The following MIER1 variants were observed in gnomAD, a reference collection of about 807,000 sequenced individuals.
MIER1 encodes mesoderm induction early response protein 1.
In MIER1, 40 loss-of-function variants were observed where a neutral mutation model predicts 75.7. The ratio of observed to expected loss-of-function variants is 0.53; its 90% confidence interval spans 0.41 to 0.69. The LOEUF is 0.69. MIER1 is among the 30% of genes least tolerant of loss of function. MIER1 has a pLI of 0.00. For missense variants in MIER1, 574 were observed against 680.2 expected (o/e 0.84, Z 1.74); for synonymous variants, 213 against 223.4 (o/e 0.95, Z 0.42).
At chr1:66,928,319 A>G (rs976998813) in intron 2 of MIER1, among the ~76,000 whole-genome samples, 1 of 152,172 alleles carries the variant, frequency 6.6e-6, no homozygotes, top group African/African-American at 2.4e-5. Flanking sequence ...TTAATAGACT[A>G]TGATCCCCTG....
chr1:66,959,050 C>T, intron 6 of MIER1, 67 bp downstream of exon 6: 1 of 1,263,500 alleles, frequency 7.9e-7, no homozygotes, highest in Non-Finnish European at 1.1e-6. Flanking sequence ...CTAAAATCCT[C>T]TTTTTTAAAC....
At chr1:66,940,847 G>C (rs541717778) in intron 3 of MIER1, among the ~76,000 whole-genome samples, 1 of 152,184 alleles carries the variant, frequency 6.6e-6, no homozygotes, top group Admixed American at 6.5e-5. Flanking sequence ...TTTATCCTCA[G>C]TGTCCAGTGA....
rs72673729 is a variant in MIER1, at chr1:66,975,990, T to G, written c.1102-605T>G. Reference sequence around the variant, plus strand: ...TGAATGCCACTTCCAGGCCTTTTTTTTGTGTGTGTGTGTGTGAGACTGAGT... The same window carrying G: ...TGAATGCCACTTCCAGGCCTTTTTTGTGTGTGTGTGTGTGTGAGACTGAGT... On this transcript the variant is annotated intron_variant, in intron 11 of 13. Transcript: ENST00000401041. Among the ~76,000 whole-genome samples, 1,365 of 151,728 alleles carry G rather than the reference T, an allele frequency of 9.0e-3. 13 individuals carry two copies. The highest frequency in any genetic ancestry group is 0.027 in the South Asian group (131 of 4,808).
chr1:66,934,264 T>A (rs1054715742), intron 2 of MIER1, among the ~76,000 whole-genome samples: 10 of 152,180 alleles, frequency 6.6e-5, no homozygotes, highest in Non-Finnish European at 1.5e-4. Context: ...CTAAATCTTT[T>A]GATCATAGAG....
At chr1:66,949,096 A>G (rs1658330728) in intron 4 of MIER1, among the ~76,000 whole-genome samples, 1 of 152,186 alleles carries the variant, frequency 6.6e-6, no homozygotes, top group Admixed American at 6.5e-5. Flanking sequence ...CAGTTTGCCT[A>G]TATTCAGAGA....
At chr1:66,934,380 G>GTGCTTATT (rs1182545295) in intron 2 of MIER1, among the ~76,000 whole-genome samples, 2 of 150,152 alleles carry the variant, frequency 1.3e-5, no homozygotes, top group African/African-American at 4.9e-5. Context: ...TAGATTCCTA[G>GTGCTTATT]TGCTTATTTT....
In MIER1 at chr1:66,976,674, A is replaced by T. The variant is rs1322462315; in HGVS notation, c.1181A>T (p.Gln394Leu). 1.9e-6 allele frequency: 3 copies of T among 1,607,030 alleles called. No homozygotes were observed. Among genetic ancestry groups the T allele is most frequent in the Non-Finnish European group, 8.5e-7 (1 of 1,176,942 alleles). Residue 394 changes from glutamine to leucine, a missense_variant, in exon 12 of 14, where the codon CAG (glutamine) becomes CTG (leucine). Gln to Leu is a moderately radical substitution (Grantham distance 113). Transcript: ENST00000401041. ...TCTGAACGTTATGATTTCTTTGCTCAGCAAACACGATTTGGAAAGAAGAAA... is the reference window on the plus strand; with the variant it reads ...TCTGAACGTTATGATTTCTTTGCTCTGCAAACACGATTTGGAAAGAAGAAA... The part of the protein sequence containing the change: ...KKSERYDFFA[Q>L]QTRFGKKKYN...
In MIER1 at chr1:66,955,336, G is replaced by GTTTTTTT. The variant is rs34006160; in HGVS notation, c.340-2701_340-2695dup. Among the ~76,000 whole-genome samples the GTTTTTTT allele has an allele frequency of 2.8e-4, 17 of 59,960 alleles. 1 individual carries two copies. The highest frequency in any genetic ancestry group is 8.4e-4 in the African/African-American group (12 of 14,240). The allele number at this position is 59,960 out of a possible 152,430, so 39.3% of individuals were successfully genotyped here. The stretch of plus-strand genomic sequence containing the variant: ...TACCAGCAGCATTAGCATCACCTGA[G>GTTTTTTT]TTTTTTTTTTTTTTTTTTTTTTTTT... On this transcript the variant is annotated intron_variant, in intron 4 of 13. Transcript: ENST00000401041.
At chr1:66,980,732 T>C (rs896461427) in intron 12 of MIER1, among the ~76,000 whole-genome samples, 1 of 152,092 alleles carries the variant, frequency 6.6e-6, no homozygotes, top group Non-Finnish European at 1.5e-5. Context: ...ACAACTTAGG[T>C]ACCAGTGGTG....
intron 2 of MIER1, among the ~76,000 whole-genome samples, chr1:66,931,161 T>C (rs973514448): frequency 2.0e-5 from 3 of 152,160 alleles, no homozygotes; most frequent in Non-Finnish European, 4.4e-5. Context: ...TTTGCTCGTT[T>C]TATAGTAAAC....
chr1:66,942,073 T>A (rs556886106), intron 3 of MIER1, among the ~76,000 whole-genome samples: 1 of 152,202 alleles, frequency 6.6e-6, no homozygotes, highest in South Asian at 2.1e-4. Context: ...CTGAAATAGA[T>A]CTTTTGAGTT....
chr1:66,981,869 C>T lies in MIER1; in HGVS notation c.1320C>T (p.Asn440=). Residue 440 remains asparagine, a synonymous_variant, in exon 13 of 14, where the codon AAC becomes AAT. Coordinates refer to ENST00000401041, the MANE Select transcript of MIER1 (RefSeq NM_001077700.3). ...CCCCAACTGCATCAAACAGTAGTAA[C>T]AGCCAGTCTGAGAAAGAAGATGGCA... ...SPPPTASNSS[N]SQSEKEDGTV... is the part of the protein sequence containing the mutation. The T allele has an allele frequency of 6.8e-6, 11 of 1,614,050 alleles. No homozygotes were observed. The highest frequency in any genetic ancestry group is 9.3e-6 in the Non-Finnish European group (11 of 1,179,912).
Position 66,985,859 on chromosome 1 carries a change from T to G in MIER1, c.*959T>G. 1.2e-6 allele frequency: 1 copy of G among 853,620 alleles called. No homozygotes were observed. The highest frequency in any genetic ancestry group is 1.4e-6 in the Non-Finnish European group (1 of 710,852). The allele number at this position is 853,620 out of a possible 1,614,324, so 52.9% of individuals were successfully genotyped here. A position where few individuals can be genotyped will look rare whatever the true frequency, so the allele number is the denominator to read the frequency against. ...TTTTAAATTTCTACTTAAGGGCAAG[T>G]AATTTGAGAATTCTGAAATTAAGCA... On this transcript the variant is annotated 3_prime_UTR_variant, in exon 14 of 14. Transcript: ENST00000401041.
chr1:66,962,950 C>A, intron 7 of MIER1, 138 bp from the exon 8 acceptor site: 1 of 560,418 alleles, frequency 1.8e-6, no homozygotes, highest in Non-Finnish European at 3.2e-6. Context: ...ACAAAGGTAC[C>A]TCTGAGGTAG....
intron 4 of MIER1, chr1:66,946,911 T>A: frequency 1.0e-6 from 1 of 985,374 alleles, no homozygotes; most frequent in Non-Finnish European, 1.2e-6. Flanking sequence ...TTTGTTTCTA[T>A]TCAGTATCTT....
At chr1:66,951,824 T>A (rs577831209) in intron 4 of MIER1, among the ~76,000 whole-genome samples, 1 of 152,300 alleles carries the variant, frequency 6.6e-6, no homozygotes, top group Non-Finnish European at 1.5e-5. Context: ...TTATTTCACA[T>A]TGTAACAGGA....
rs546964135 is a variant in MIER1, at chr1:66,986,158, A to G, written c.*1258A>G. On this transcript the variant is annotated 3_prime_UTR_variant, in exon 14 of 14. Transcript: ENST00000401041. ...GAAAGTGAAGTTTGAAAACTTTTCA[A>G]ACTTTTCTAGTTACAATCCAATTTT... is the stretch of plus-strand genomic sequence containing the variant. The G allele has an allele frequency of 6.6e-5, 79 of 1,192,052 alleles. No homozygotes were observed. The highest frequency in any genetic ancestry group is 3.4e-4 in the Middle Eastern group (1 of 2,948). The allele number at this position is 1,192,052 out of a possible 1,614,324, so 73.8% of individuals were successfully genotyped here.
rs1431060277 is a variant in MIER1, at chr1:66,985,183, T to TTAGTAAATTAGTA, written c.*283_*284insTAGTAAATTAGTA. 13 of 965,954 alleles carry TTAGTAAATTAGTA rather than the reference T, an allele frequency of 1.3e-5. No homozygotes were observed. The highest frequency in any genetic ancestry group is 1.6e-5 in the Non-Finnish European group (13 of 801,360). The allele number at this position is 965,954 out of a possible 1,614,324, so 59.8% of individuals were successfully genotyped here. A position where few individuals can be genotyped will look rare whatever the true frequency, so the allele number is the denominator to read the frequency against. On this transcript the variant is annotated 3_prime_UTR_variant, in exon 14 of 14. Coordinates refer to ENST00000401041, the MANE Select transcript of MIER1 (RefSeq NM_001077700.3). ...ATATCTTTAGTTCATTCAGATTTAC[T>TTAGTAAATTAGTA]AATTTTGGTAAATCTGAATGAACTA...
chr1:66,970,660 G>C (rs553031488), intron 8 of MIER1, 148 bp from the exon 9 acceptor site: 1 of 499,246 alleles, frequency 2.0e-6, no homozygotes, highest in African/African-American at 2.0e-5. Context: ...TATAGTTTTT[G>C]CCCAAGAACG....
Sources: allele counts gnomAD v4.1 joint callset (sites outside exome capture counted in the v4.1 genomes callset), GRCh38; gene constraint gnomAD v4.1.1; transcripts MANE v1.5; gene names NCBI Gene and HGNC (gene_info 2026-07-23, HGNC 2026-07-21).